PTN: variants seen among roughly 807,000 people sequenced by gnomAD.
The protein encoded by PTN is pleiotrophin.
A neutral mutation model predicts 24.1 loss-of-function variants in PTN; 18 were observed. The ratio of observed to expected loss-of-function variants is 0.75; its 90% CI spans 0.52 to 1.11. The LOEUF is 1.11. PTN is among the 50% of genes least tolerant of loss of function. PTN has a pLI of 0.00. For synonymous variants in PTN, 78 were observed against 68.6 expected, an observed-to-expected ratio of 1.14 and a Z score of -0.67; for missense variants, 163 against 198.8, an observed-to-expected ratio of 0.82 and a Z score of 1.08.
chr7:137,227,921 T>C lies in PTN; in HGVS notation c.*99A>G, dbSNP rs981304683. 8.8e-6 allele frequency: 13 copies of C among 1,484,326 alleles called. No individual in the cohort carries two copies. The highest frequency in any genetic ancestry group is 1.2e-5 in the Non-Finnish European group (13 of 1,112,376). The allele number at this position is 1,484,326 out of a possible 1,614,324, so 91.9% of individuals were successfully genotyped here. The stretch of plus-strand genomic sequence containing the variant: ...TTTTTGCTTATTGTGTACTTAGCTA[T>C]AGATAATTTTTGAATACAAAGCCTA... On this transcript the variant is annotated 3_prime_UTR_variant, in exon 5 of 5. Coordinates refer to ENST00000348225, the MANE Select transcript of PTN (RefSeq NM_002825.7).
intron 1 of PTN, among the ~76,000 whole-genome samples, chr7:137,271,827 T>C (rs747096026): frequency 3.3e-5 from 5 of 152,212 alleles, no homozygotes; most frequent in Non-Finnish European, 5.9e-5. Context: ...AGCAATACAT[T>C]TACTTTCTCT....
intron 1 of PTN, chr7:137,318,852 G>C (rs1268815151): frequency 6.6e-6 from 1 of 152,192 alleles, no homozygotes; most frequent in African/African-American, 2.4e-5. Context: ...CCTCAAGTGA[G>C]ATAAGGTATG....
intron 1 of PTN, among the ~76,000 whole-genome samples, chr7:137,319,275 G>A (rs1810124181): frequency 6.6e-6 from 1 of 152,174 alleles, no homozygotes; most frequent in Non-Finnish European, 1.5e-5. Flanking sequence ...ATTCTTGTGA[G>A]AATTAATTGA....
intron 3 of PTN, among the ~76,000 whole-genome samples, chr7:137,252,422 G>T (rs942685220): frequency 6.6e-6 from 1 of 151,670 alleles, no homozygotes; most frequent in East Asian, 1.9e-4. Flanking sequence ...TTGTTGTTTT[G>T]TTGTTTACTG....
chr7:137,239,374 T>TTTA (rs1808580164), intron 4 of PTN, among the ~76,000 whole-genome samples: 4 of 147,760 alleles, frequency 2.7e-5, no homozygotes, highest in African/African-American at 7.5e-5. Context: ...TAATTTTCTT[T>TTTA]TTTATTTATT....
chr7:137,315,421 G>A (rs1810056265), intron 1 of PTN, among the ~76,000 whole-genome samples: 1 of 152,066 alleles, frequency 6.6e-6, no homozygotes, highest in Admixed American at 6.5e-5. Context: ...TTACCTGGTA[G>A]CCTTAAAGGA....
intron 1 of PTN, among the ~76,000 whole-genome samples, chr7:137,263,011 A>G (rs1809070531): frequency 6.6e-6 from 1 of 152,056 alleles, no homozygotes. Flanking sequence ...CCCCCCTTCG[A>G]GACTCTCACT....
At chr7:137,292,337 T>C (rs1195994057) in intron 1 of PTN, among the ~76,000 whole-genome samples, 1 of 152,168 alleles carries the variant, frequency 6.6e-6, no homozygotes, top group East Asian at 1.9e-4. Flanking sequence ...CCTTGAATTG[T>C]AGTAATTCCC....
chr7:137,274,969 C>A (rs988289362), intron 1 of PTN, among the ~76,000 whole-genome samples: 2 of 152,172 alleles, frequency 1.3e-5, no homozygotes, highest in African/African-American at 4.8e-5. Context: ...CTGTCAGTAT[C>A]CTCATCAATG....
chr7:137,269,957 T>C (rs550161312), intron 1 of PTN, among the ~76,000 whole-genome samples: 20 of 152,260 alleles, frequency 1.3e-4, no homozygotes, highest in African/African-American at 4.6e-4. Context: ...ATGTGAAGAT[T>C]CAGGAAGTTT....
At chr7:137,322,799 CTTCACTTA>C (rs2128881482) in intron 1 of PTN, among the ~76,000 whole-genome samples, 1 of 152,268 alleles carries the variant, frequency 6.6e-6, no homozygotes, top group South Asian at 2.1e-4. Context: ...GCTTCCAAAA[CTTCACTTA>C]TTCTTCACTC....
chr7:137,293,066 A>T (rs1346298158), intron 1 of PTN, among the ~76,000 whole-genome samples: 5 of 152,146 alleles, frequency 3.3e-5, no homozygotes, highest in African/African-American at 9.7e-5. Context: ...TTGCCATCTC[A>T]TGACACTTAC....
chr7:137,304,464 G>C (rs1479912906), intron 1 of PTN, among the ~76,000 whole-genome samples: 1 of 151,816 alleles, frequency 6.6e-6, no homozygotes, highest in Non-Finnish European at 1.5e-5. Flanking sequence ...CAAAAAAAGA[G>C]AGAGAAAAAG....
chr7:137,321,156 A>G (rs546499176), intron 1 of PTN, among the ~76,000 whole-genome samples: 1 of 152,156 alleles, frequency 6.6e-6, no homozygotes, highest in Non-Finnish European at 1.5e-5. Flanking sequence ...TGAATTATAT[A>G]ACACATGTGC....
intron 1 of PTN, among the ~76,000 whole-genome samples, chr7:137,303,722 T>G (rs1219163110): frequency 6.6e-6 from 1 of 152,030 alleles, no homozygotes; most frequent in African/African-American, 2.4e-5. Context: ...ACAAATGAGT[T>G]TGAAAAAGCA....
rs1021592270 is a variant in PTN, at chr7:137,287,063, A to C, written c.-1-32089T>G. ...TCCTAATTATTCTATTTATTATGTA[A>C]AAACCCTCATTCGTGTTTCATGAAC... On this transcript the variant is annotated intron_variant, in intron 1 of 4. Coordinates refer to ENST00000348225, the MANE Select transcript of PTN (RefSeq NM_002825.7). 2.0e-5 allele frequency among the ~76,000 whole-genome samples: 3 copies of C among 152,328 alleles called. No homozygotes were observed. In the East Asian group the frequency reaches 5.8e-4, roughly 29 times the overall value.
chr7:137,299,289 T>C (rs1227205841), intron 1 of PTN, among the ~76,000 whole-genome samples: 1 of 152,002 alleles, frequency 6.6e-6, no homozygotes, highest in Non-Finnish European at 1.5e-5. Flanking sequence ...TCAATGGTGG[T>C]GGTTATTCCT....
chr7:137,273,469 A>G (rs1809309764), intron 1 of PTN, among the ~76,000 whole-genome samples: 1 of 152,232 alleles, frequency 6.6e-6, no homozygotes, highest in South Asian at 2.1e-4. Flanking sequence ...ATTTACCAAC[A>G]TGGCTGAAGT....
intron 4 of PTN, among the ~76,000 whole-genome samples, chr7:137,233,889 AAC>A (rs113401589): frequency 0.13 from 18,546 of 147,494 alleles, 1,388 homozygotes; most frequent in East Asian, 0.24. Flanking sequence ...AAACCAAAGA[AAC>A]ACACACACAC....
Sources: gnomAD v4.1 joint callset for allele counts (sites outside exome capture counted in the v4.1 genomes callset) on GRCh38, gnomAD v4.1.1 for gene constraint, MANE v1.5 for transcripts, NCBI Gene and HGNC (gene_info 2026-07-23, HGNC 2026-07-21) for gene names.